Variants in IL23R observed in about 807,000 individuals in gnomAD.
IL23R encodes interleukin 23 receptor.
IL23R carries 34 observed loss-of-function variants against 56.9 expected under a neutral mutation model. The observed-to-expected ratio is 0.60, with a 90% CI of 0.45 to 0.80. The LOEUF is 0.80. IL23R is among the 30% of genes least tolerant of loss of function. The pLI, the probability that IL23R is intolerant of heterozygous loss-of-function variation, is 0.00. For synonymous variants in IL23R, 230 were observed against 249.2 expected, an observed-to-expected ratio of 0.92 and a Z score of 0.73; for missense variants, 635 against 730.0, an observed-to-expected ratio of 0.87 and a Z score of 1.50.
chr1:67,263,789 A>C (rs1653275695), downstream of IL23R, among the ~76,000 whole-genome samples: 1 of 151,702 alleles, frequency 6.6e-6, no homozygotes, highest in Non-Finnish European at 1.5e-5. Context: ...TGCCTAACCC[A>C]GGAGGTGGAG....
intron 6 of IL23R, among the ~76,000 whole-genome samples, chr1:67,210,007 A>C (rs1649345017): frequency 6.6e-6 from 1 of 152,218 alleles, no homozygotes; most frequent in Non-Finnish European, 1.5e-5. Flanking sequence ...GGAAACAAAA[A>C]TTGTTCGGAA....
chr1:67,198,275 C>G (rs1293419849), intron 4 of IL23R, among the ~76,000 whole-genome samples: 1 of 152,134 alleles, frequency 6.6e-6, no homozygotes, highest in African/African-American at 2.4e-5. Flanking sequence ...ATCAGAGGAG[C>G]AAAGAAGCAT....
At chr1:67,190,452 A>T (rs1647660692) in intron 4 of IL23R, among the ~76,000 whole-genome samples, 1 of 151,792 alleles carries the variant, frequency 6.6e-6, no homozygotes, top group Non-Finnish European at 1.5e-5. Flanking sequence ...AACCAAAAAA[A>T]AAACAAAACC....
intron 7 of IL23R, among the ~76,000 whole-genome samples, chr1:67,221,905 C>T (rs544507031): frequency 3.9e-5 from 6 of 152,032 alleles, no homozygotes; most frequent in Non-Finnish European, 8.8e-5. Context: ...TGCAGTGGCT[C>T]ATGCCTGTAA....
At position 67,145,108 on chromosome 1, in the gene IL23R, G is replaced by A. The variant is rs181396443; in HGVS notation, c.-634+5947G>A. ...ACCTATAATCCCAACACTTTGGGAG[G>A]CCAAGGCAGGTGGATCACCTGAGGT... On this transcript the variant is annotated intron_variant, in intron 1 of 10. Transcript: ENST00000637002. 1.1e-3 allele frequency among the ~76,000 whole-genome samples: 168 copies of A among 152,314 alleles called. 3 individuals carry two copies. In the East Asian group the frequency reaches 0.027, roughly 24 times the overall value.
chr1:67,219,833 A>G, intron 7 of IL23R, 103 bp downstream of exon 7: 1 of 1,111,850 alleles, frequency 9.0e-7, no homozygotes, highest in Non-Finnish European at 1.4e-6. Context: ...TGAGAGGCCA[A>G]GGCAGGAAGA....
At chr1:67,149,038 T>C (rs1451631511) in intron 1 of IL23R, among the ~76,000 whole-genome samples, 1 of 152,210 alleles carries the variant, frequency 6.6e-6, no homozygotes, top group East Asian at 1.9e-4. Context: ...TGGGGCACTT[T>C]GTTATAGAAC....
chr1:67,224,547 G>A (rs1650494266), intron 7 of IL23R, among the ~76,000 whole-genome samples: 1 of 152,212 alleles, frequency 6.6e-6, no homozygotes, highest in Admixed American at 6.5e-5. Flanking sequence ...TTGTCCTGCA[G>A]CCTCGGCATT....
At chr1:67,143,851 T>C (rs1217354884) in intron 1 of IL23R, among the ~76,000 whole-genome samples, 2 of 152,078 alleles carry the variant, frequency 1.3e-5, no homozygotes, top group South Asian at 2.1e-4. Flanking sequence ...AATAAGTAAA[T>C]GTGTGTTTGT....
At position 67,219,645 on chromosome 1, in the gene IL23R, C is replaced by T. The variant is rs549494797; in HGVS notation, c.870C>T (p.Tyr290=). 2.0e-5 allele frequency: 32 copies of T among 1,613,864 alleles called. No homozygotes were observed. Among genetic ancestry groups the T allele is most frequent in the Middle Eastern group, 3.3e-4 (2 of 6,060 alleles). The change falls in exon 7 of 11, where the codon TAC becomes TAT. Residue 290 remains tyrosine, a synonymous_variant. Coordinates refer to ENST00000347310, the MANE Select transcript of IL23R (RefSeq NM_144701.3). ...TCTACTTGGAGCCAAACATTAAGTA[C>T]GTATTTCAAGTGAGATGTCAAGAAA... ...SEFYLEPNIK[Y]VFQVRCQETG... is the part of the protein sequence containing the mutation.
chr1:67,246,104 A>G (rs887117066), intron 9 of IL23R, among the ~76,000 whole-genome samples: 15 of 152,106 alleles, frequency 9.9e-5, no homozygotes, highest in Admixed American at 2.0e-4. Flanking sequence ...GCACAGAGGT[A>G]TTTATAGTAT....
chr1:67,208,404 G>T (rs182679840), intron 6 of IL23R, among the ~76,000 whole-genome samples: 1 of 152,172 alleles, frequency 6.6e-6, no homozygotes. Flanking sequence ...CTCCCATCAC[G>T]GGCTTGGAGG....
At chr1:67,207,925 A>G (rs1477241325) in intron 6 of IL23R, among the ~76,000 whole-genome samples, 1 of 152,178 alleles carries the variant, frequency 6.6e-6, no homozygotes, top group African/African-American at 2.4e-5. Context: ...CTTCCTGGAG[A>G]CTTGTTGAAT....
chr1:67,194,329 T>G (rs1209362367), intron 4 of IL23R, among the ~76,000 whole-genome samples: 2 of 152,164 alleles, frequency 1.3e-5, no homozygotes, highest in African/African-American at 4.8e-5. Context: ...TCTCATCACA[T>G]TGTTGGTTCC....
intron 5 of IL23R, among the ~76,000 whole-genome samples, chr1:67,201,578 A>G (rs1200750704): frequency 1.3e-5 from 2 of 151,286 alleles, no homozygotes; most frequent in Non-Finnish European, 2.9e-5. Context: ...AAAAAACACT[A>G]TGATCATGAT....
chr1:67,230,176 G>A (rs1392130144), intron 7 of IL23R, among the ~76,000 whole-genome samples: 1 of 152,216 alleles, frequency 6.6e-6, no homozygotes, highest in African/African-American at 2.4e-5. Context: ...GTTTCTGGAA[G>A]CCCTATGTCA....
At chr1:67,154,487 T>G (rs1006994071) in intron 1 of IL23R, among the ~76,000 whole-genome samples, 1 of 152,192 alleles carries the variant, frequency 6.6e-6, no homozygotes. Context: ...CTTCTTGTTG[T>G]ATTGATCCCT....
intron 7 of IL23R, among the ~76,000 whole-genome samples, chr1:67,226,920 C>T (rs988446790): frequency 1.3e-5 from 2 of 152,144 alleles, no homozygotes; most frequent in African/African-American, 2.4e-5. Context: ...TTACAGGAAC[C>T]CCCCAAAGCA....
intron 7 of IL23R, among the ~76,000 whole-genome samples, chr1:67,223,688 T>C (rs1650441374): frequency 6.6e-6 from 1 of 152,204 alleles, no homozygotes; most frequent in Non-Finnish European, 1.5e-5. Context: ...CTATGATGTA[T>C]ATACTATTTT....
Sources: allele counts gnomAD v4.1 joint callset (sites outside exome capture counted in the v4.1 genomes callset), GRCh38; gene constraint gnomAD v4.1.1; transcripts MANE v1.5; gene names NCBI Gene and HGNC (gene_info 2026-07-23, HGNC 2026-07-21).